BBS9: variants seen among roughly 807,000 people sequenced by gnomAD.
BBS9 encodes protein PTHB1.
Under a neutral mutation model 117.7 loss-of-function variants are expected in BBS9, and 89 were observed. The ratio of observed to expected loss-of-function variants is 0.76; its 90% CI spans 0.64 to 0.90. The LOEUF is 0.90. BBS9 is among the 40% of genes least tolerant of loss of function. The probability of loss-of-function intolerance (pLI) is 0.00; values close to 1 mark genes in which losing one functional copy is unlikely to be tolerated. For synonymous variants in BBS9, 379 were observed against 370.9 expected, an observed-to-expected ratio of 1.02 and a Z score of -0.25; for missense variants, 982 against 1,042.2, an observed-to-expected ratio of 0.94 and a Z score of 0.80.
intron 5 of BBS9, among the ~76,000 whole-genome samples, chr7:33,234,699 C>CCA (rs58160238): frequency 0.11 from 16,700 of 149,816 alleles, 1,049 homozygotes; most frequent in African/African-American, 0.17. Flanking sequence ...CTCCATCTAT[C>CCA]CACACACACA....
intron 2 of BBS9, among the ~76,000 whole-genome samples, chr7:33,148,841 T>C (rs984202381): frequency 6.6e-6 from 1 of 151,546 alleles, no homozygotes; most frequent in African/African-American, 2.4e-5. Flanking sequence ...CAGGCTGGTC[T>C]TGAACTTCCT....
chr7:33,189,490 AAGTC>A (rs1354034795), intron 5 of BBS9, among the ~76,000 whole-genome samples: 1 of 152,180 alleles, frequency 6.6e-6, no homozygotes, highest in Non-Finnish European at 1.5e-5. Flanking sequence ...ATGAGATTAA[AAGTC>A]AGACCCTTTG....
intron 22 of BBS9, 35 bp downstream of exon 22, chr7:33,605,010 A>C: frequency 2.6e-6 from 4 of 1,548,318 alleles, no homozygotes; most frequent in Non-Finnish European, 3.6e-6. Flanking sequence ...AGCGTTAGTT[A>C]AGTCAGAAGC....
intron 1 of BBS9, among the ~76,000 whole-genome samples, chr7:33,139,934 CA>C (rs1436237851): frequency 6.6e-6 from 1 of 151,020 alleles, no homozygotes; most frequent in African/African-American, 2.4e-5. Context: ...TTTCTAGATA[CA>C]TTTTTTTTTT....
chr7:33,245,402 G>A (rs991642137), intron 5 of BBS9, among the ~76,000 whole-genome samples: 1 of 152,032 alleles, frequency 6.6e-6, no homozygotes, highest in African/African-American at 2.4e-5. Context: ...TTCTAACTCT[G>A]TAATACCAAG....
chr7:33,460,798 C>T (rs1839351294), intron 19 of BBS9, among the ~76,000 whole-genome samples: 1 of 151,854 alleles, frequency 6.6e-6, no homozygotes, highest in Non-Finnish European at 1.5e-5. Flanking sequence ...TTAATGCATT[C>T]ACAATGTTGT....
intron 5 of BBS9, among the ~76,000 whole-genome samples, chr7:33,251,101 G>A (rs1032654449): frequency 6.6e-6 from 1 of 152,176 alleles, no homozygotes; most frequent in African/African-American, 2.4e-5. Flanking sequence ...CTGACTCAAA[G>A]TGACTTCAGT....
intron 19 of BBS9, among the ~76,000 whole-genome samples, chr7:33,435,297 C>G (rs1584816447): frequency 6.6e-6 from 1 of 152,042 alleles, no homozygotes; most frequent in Admixed American, 6.6e-5. Context: ...GGCTATATGA[C>G]CTTTTAAAAT....
chr7:33,365,283 A>T (rs976453368), intron 16 of BBS9, among the ~76,000 whole-genome samples: 6 of 152,256 alleles, frequency 3.9e-5, no homozygotes, highest in African/African-American at 1.4e-4. Flanking sequence ...TTGGTGGATC[A>T]GTCTCCTTTT....
At chr7:33,282,711 GA>G (rs1397676881) in intron 9 of BBS9, among the ~76,000 whole-genome samples, 2 of 152,042 alleles carry the variant, frequency 1.3e-5, no homozygotes, top group African/African-American at 2.4e-5. Flanking sequence ...TATCCTAGTG[GA>G]AAAAAGAAAT....
At position 33,313,190 on chromosome 7, in the gene BBS9, T is replaced by G. The variant is rs114671337; in HGVS notation, c.1017-23251T>G. 4.0e-3 allele frequency among the ~76,000 whole-genome samples: 602 copies of G among 151,718 alleles called. 3 individuals carry two copies. Among genetic ancestry groups the G allele is most frequent in the African/African-American group, 0.013 (555 of 41,316 alleles). On this transcript the variant is annotated intron_variant, in intron 9 of 22. Coordinates refer to ENST00000242067, the MANE Select transcript of BBS9 (RefSeq NM_198428.3). ...TCTAGGAAGCATTCTTTTCCCTCAC[T>G]GTCTGATTTTTTTGGTCTTCTCCTT... is the stretch of plus-strand genomic sequence containing the variant.
At chr7:33,309,552 G>A (rs534935297) in intron 9 of BBS9, among the ~76,000 whole-genome samples, 20 of 152,276 alleles carry the variant, frequency 1.3e-4, no homozygotes, top group Admixed American at 5.9e-4. Context: ...TGGAACAGAG[G>A]TGATGGGTTA....
At chr7:33,429,401 C>G (rs568947668) in intron 19 of BBS9, among the ~76,000 whole-genome samples, 2 of 151,844 alleles carry the variant, frequency 1.3e-5, no homozygotes, top group Non-Finnish European at 2.9e-5. Context: ...AAACTTTTTA[C>G]TTTAATGTTT....
intron 9 of BBS9, among the ~76,000 whole-genome samples, chr7:33,292,396 T>G (rs564146148): frequency 5.9e-5 from 9 of 151,952 alleles, no homozygotes; most frequent in African/African-American, 1.7e-4. Flanking sequence ...CCTGGCTACT[T>G]TTGAATTTTT....
At chr7:33,586,064 C>T (rs976192823) in intron 21 of BBS9, among the ~76,000 whole-genome samples, 1 of 151,978 alleles carries the variant, frequency 6.6e-6, no homozygotes, top group Non-Finnish European at 1.5e-5. Context: ...TAGGAAGATA[C>T]TTTCATTTCT....
At chr7:33,161,125 C>CT (rs35467517) in intron 4 of BBS9, among the ~76,000 whole-genome samples, 31,760 of 150,452 alleles carry the variant, frequency 0.21, 3,785 homozygotes, top group Admixed American at 0.34. Context: ...CTAATTAATA[C>CT]TTTTTTTTTT....
At position 33,442,224 on chromosome 7, in the gene BBS9, C is replaced by G. The variant is rs190236696; in HGVS notation, c.2115+54080C>G. 9.9e-5 allele frequency among the ~76,000 whole-genome samples: 15 copies of G among 152,266 alleles called. No homozygotes were observed. The East Asian group carries it at 2.5e-3, about 26-fold the overall frequency. On this transcript the variant is annotated intron_variant, in intron 19 of 22. Transcript: ENST00000242067. ...TATGCTTCTAAGAAATTTCCACTTT[C>G]AGTCAGTTTGACAGTTGAATCCATG...
intron 9 of BBS9, 55 bp downstream of exon 9, chr7:33,274,011 C>T (rs999364253): frequency 6.3e-7 from 1 of 1,575,152 alleles, no homozygotes; most frequent in African/African-American, 1.3e-5. Context: ...AAGAAATTTT[C>T]TAGAAGTTCT....
chr7:33,291,978 A>C (rs73099226), intron 9 of BBS9, among the ~76,000 whole-genome samples: 15,889 of 152,230 alleles, frequency 0.1, 1,168 homozygotes, highest in Non-Finnish European at 0.16. Flanking sequence ...GAATTGGCTT[A>C]TAGAAAGATG....
Sources: allele counts gnomAD v4.1 joint callset (sites outside exome capture counted in the v4.1 genomes callset), GRCh38; gene constraint gnomAD v4.1.1; transcripts MANE v1.5; gene names NCBI Gene and HGNC (gene_info 2026-07-23, HGNC 2026-07-21).